Variants in KCNMA1 observed in about 807,000 individuals in gnomAD.
KCNMA1 encodes the protein Calcium-activated potassium channel subunit alpha-1.
A neutral mutation model predicts 140.0 loss-of-function variants in KCNMA1; 29 were observed. The ratio of observed to expected loss-of-function variants is 0.21; its 90% CI spans 0.15 to 0.28. The LOEUF (loss-of-function observed/expected upper bound fraction) is 0.28. Ranked by LOEUF, KCNMA1 falls within the 10% of genes least tolerant of loss-of-function variation. The pLI, the probability that KCNMA1 is intolerant of heterozygous loss-of-function variation, is 1.00. For synonymous variants in KCNMA1, 612 were observed against 611.9 expected, an observed-to-expected ratio of 1.00 and a Z score of 0.00; for missense variants, 880 against 1,602.2, an observed-to-expected ratio of 0.55 and a Z score of 7.70.
intron 14 of KCNMA1, among the ~76,000 whole-genome samples, chr10:77,072,422 C>T (rs912230272): frequency 1.3e-5 from 2 of 152,108 alleles, no homozygotes; most frequent in Non-Finnish European, 2.9e-5. Flanking sequence ...AGGACAGAGT[C>T]GGTTTTTTTT....
intron 1 of KCNMA1, among the ~76,000 whole-genome samples, chr10:77,457,030 C>T (rs1194509981): frequency 1.3e-5 from 2 of 152,158 alleles, no homozygotes; most frequent in African/African-American, 2.4e-5. Context: ...AAGATATCAA[C>T]TTTCTTTCTG....
At chr10:76,953,215 G>A (rs936362407) in intron 21 of KCNMA1, among the ~76,000 whole-genome samples, 3 of 152,152 alleles carry the variant, frequency 2.0e-5, no homozygotes, top group Non-Finnish European at 4.4e-5. Context: ...TCTACAACAT[G>A]CACTAAGAAA....
rs116178106 is a variant in KCNMA1 at position 77,102,096 on chromosome 10, T to C, written c.1223+6385A>G. On this transcript the variant is annotated intron_variant, in intron 9 of 27. Transcript: ENST00000286628. The stretch of plus-strand genomic sequence containing the variant: ...ATTTTTATGGATGTGTAGAAATGCA[T>C]CTGTCCCCAGTGCCTGGTAGCAAGC... Among the ~76,000 whole-genome samples, 931 of 152,334 alleles carry C rather than the reference T, an allele frequency of 6.1e-3. 13 individuals are homozygous for C. Among genetic ancestry groups the C allele is most frequent in the African/African-American group, 0.021 (884 of 41,582 alleles).
At chr10:77,559,056 C>A (rs1233523708) in intron 1 of KCNMA1, among the ~76,000 whole-genome samples, 1 of 152,146 alleles carries the variant, frequency 6.6e-6, no homozygotes, top group African/African-American at 2.4e-5. Flanking sequence ...CTCTCCGTGT[C>A]CTGGTCAGCC....
chr10:77,571,925 A>G (rs1028506567), intron 1 of KCNMA1, among the ~76,000 whole-genome samples: 3 of 152,208 alleles, frequency 2.0e-5, no homozygotes, highest in Non-Finnish European at 4.4e-5. Context: ...AGATGTATTT[A>G]TAGGAAAAGG....
chr10:77,483,272 T>C (rs2098422923), intron 1 of KCNMA1, among the ~76,000 whole-genome samples: 1 of 152,186 alleles, frequency 6.6e-6, no homozygotes, highest in Non-Finnish European at 1.5e-5. Flanking sequence ...CTCTCCTCTG[T>C]TCTCTTCAAC....
At chr10:77,334,710 C>A (rs1233602381) in intron 2 of KCNMA1, among the ~76,000 whole-genome samples, 1 of 152,122 alleles carries the variant, frequency 6.6e-6, no homozygotes, top group Non-Finnish European at 1.5e-5. Flanking sequence ...CAGTGTCAAA[C>A]AACGGGTTGA....
At chr10:77,007,066 G>A (rs1380292988) in intron 18 of KCNMA1, among the ~76,000 whole-genome samples, 1 of 152,180 alleles carries the variant, frequency 6.6e-6, no homozygotes, top group Non-Finnish European at 1.5e-5. Flanking sequence ...GGACTGAACT[G>A]TTCCACAGAT....
chr10:77,169,397 A>T (rs934491063), intron 5 of KCNMA1, among the ~76,000 whole-genome samples: 2 of 149,490 alleles, frequency 1.3e-5, no homozygotes, highest in Admixed American at 6.7e-5. Context: ...TTTTATTTTT[A>T]TTTTTTTTTT....
intron 23 of KCNMA1, among the ~76,000 whole-genome samples, chr10:76,922,473 C>T (rs1360590853): frequency 6.6e-6 from 1 of 152,152 alleles, no homozygotes; most frequent in Non-Finnish European, 1.5e-5. Flanking sequence ...TTCACAGGGC[C>T]GCTGATGGTC....
chr10:76,906,049 A>C (rs1013748196), intron 25 of KCNMA1, among the ~76,000 whole-genome samples: 4 of 152,180 alleles, frequency 2.6e-5, no homozygotes, highest in Non-Finnish European at 5.9e-5. Flanking sequence ...TCTTCATTTT[A>C]AAGATGAGAA....
intron 1 of KCNMA1, among the ~76,000 whole-genome samples, chr10:77,522,227 C>A (rs771449064): frequency 7.1e-6 from 1 of 141,564 alleles, no homozygotes; most frequent in Non-Finnish European, 1.5e-5. Flanking sequence ...GGACTTCCTG[C>A]ACATTCCCAT....
intron 1 of KCNMA1, among the ~76,000 whole-genome samples, chr10:77,449,103 A>G (rs2097581300): frequency 6.6e-6 from 1 of 152,054 alleles, no homozygotes; most frequent in Admixed American, 6.6e-5. Flanking sequence ...AAAATTACAA[A>G]CAGCCATTGA....
intron 5 of KCNMA1, among the ~76,000 whole-genome samples, chr10:77,160,446 A>C (rs2098542671): frequency 6.6e-6 from 1 of 152,206 alleles, no homozygotes; most frequent in Non-Finnish European, 1.5e-5. Flanking sequence ...CTTATAGCAT[A>C]TACTACATGT....
intron 3 of KCNMA1, among the ~76,000 whole-genome samples, chr10:77,205,385 A>C (rs1252858965): frequency 6.6e-6 from 1 of 152,186 alleles, no homozygotes; most frequent in Admixed American, 6.5e-5. Context: ...CCAGGAAGCC[A>C]ACCCAAGGAA....
chr10:77,125,458 G>A (rs938589022), intron 5 of KCNMA1, among the ~76,000 whole-genome samples: 1 of 152,170 alleles, frequency 6.6e-6, no homozygotes, highest in African/African-American at 2.4e-5. Flanking sequence ...TGCCTGGAAT[G>A]CTGTTTGCCA....
At chr10:77,562,987 C>T (rs761183544) in intron 1 of KCNMA1, among the ~76,000 whole-genome samples, 3 of 152,028 alleles carry the variant, frequency 2.0e-5, no homozygotes, top group East Asian at 1.9e-4. Flanking sequence ...GAAAAAATTA[C>T]GCTATGCCCT....
chr10:77,008,340 C>T (rs1359925708), intron 18 of KCNMA1: 2 of 701,518 alleles, frequency 2.9e-6, no homozygotes, highest in Admixed American at 3.2e-5. Context: ...CACTAGGAGT[C>T]CACACTTTGG....
chr10:77,142,230 G>A (rs2098191213), intron 5 of KCNMA1, among the ~76,000 whole-genome samples: 1 of 151,902 alleles, frequency 6.6e-6, no homozygotes, highest in African/African-American at 2.4e-5. Flanking sequence ...AATTAGCCGG[G>A]CGTGGTGGCA....
Sources: allele counts gnomAD v4.1 joint callset (sites outside exome capture counted in the v4.1 genomes callset), GRCh38; gene constraint gnomAD v4.1.1; transcripts MANE v1.5; gene names NCBI Gene and HGNC (gene_info 2026-07-23, HGNC 2026-07-21).